Variants in SVEP1 observed in about 807,000 individuals in gnomAD.
SVEP1 encodes the protein sushi, von Willebrand factor type A, EGF and pentraxin domain containing 1.
Under a neutral mutation model 367.3 loss-of-function variants are expected in SVEP1, and 164 were observed. That is an observed-to-expected ratio of 0.45 (90% CI 0.39 to 0.51). SVEP1 has a LOEUF of 0.51. Among genes scored for constraint, SVEP1 ranks in the 20% least tolerant of loss-of-function variants. The pLI is 0.00. For synonymous variants in SVEP1, 1,666 were observed against 1,611.6 expected (o/e 1.03, Z -0.81); for missense variants, 4,117 against 4,425.3 (o/e 0.93, Z 1.98).
chr9:110,540,344 T>C lies in SVEP1; in HGVS notation c.964+5771A>G, dbSNP rs542042022. 3.9e-5 allele frequency among the ~76,000 whole-genome samples: 6 copies of C among 152,168 alleles called. No homozygotes were observed. The South Asian group carries it at 6.2e-4, about 16-fold the overall frequency. On this transcript the variant is annotated intron_variant, in intron 3 of 47. Transcript: ENST00000374469. ...TAAACCCAGAATAATATTTTCTCCA[T>C]CCTCTAAATCTAATTATGTGGTGTT...
At chr9:110,566,331 TAAATA>T (rs1564178203) in intron 1 of SVEP1, among the ~76,000 whole-genome samples, 29 of 92,194 alleles carry the variant, frequency 3.1e-4, no homozygotes, top group African/African-American at 8.7e-4. Context: ...CCATAATAAA[TAAATA>T]AATAAATAAA....
At chr9:110,501,155 T>C (rs1299527125) in intron 6 of SVEP1, among the ~76,000 whole-genome samples, 2 of 148,074 alleles carry the variant, frequency 1.4e-5, no homozygotes, top group African/African-American at 2.4e-5. Context: ...AGTAATATAA[T>C]ATATACAAAT....
chr9:110,390,214 CTTGTATAT>C (rs1827620318), intron 40 of SVEP1, among the ~76,000 whole-genome samples: 2 of 55,154 alleles, frequency 3.6e-5, no homozygotes, highest in African/African-American at 1.8e-4. Context: ...TATGTATATA[CTTGTATAT>C]ATACTTATAT....
At chr9:110,433,539 A>G (rs1032612304) in intron 30 of SVEP1, among the ~76,000 whole-genome samples, 16 of 147,078 alleles carry the variant, frequency 1.1e-4, no homozygotes, top group Admixed American at 4.2e-4. Context: ...TGCAATCTCA[A>G]TTCACTGCAA....
In SVEP1 at chr9:110,407,779, T is replaced by C. The variant is rs1420255906; in HGVS notation, c.7821A>G (p.Thr2607=). Residue 2607 remains threonine (T), a synonymous_variant, in exon 38 of 48, where the codon ACA becomes ACG. Coordinates refer to ENST00000374469, the MANE Select transcript of SVEP1 (RefSeq NM_153366.4). ...GGAGGCCACAGTCTATTGGCATACA[T>C]GTTGGGATGGAACTTGACCATCCTG... is the stretch of plus-strand genomic sequence containing the variant. The part of the protein sequence containing the change: ...EESGWSSSIP[T]CMPIDCGLPP... The C allele has an allele frequency of 2.5e-6, 4 of 1,613,982 alleles. No individual in the cohort carries two copies. Among genetic ancestry groups the C allele is most frequent in the South Asian group, 2.2e-5 (2 of 91,080 alleles).
At chr9:110,488,030 G>A (rs1353702812) in intron 9 of SVEP1, among the ~76,000 whole-genome samples, 1 of 152,154 alleles carries the variant, frequency 6.6e-6, no homozygotes, top group Non-Finnish European at 1.5e-5. Context: ...GATTTCAAAG[G>A]ACTGATCCGC....
At chr9:110,369,576 AT>A (rs68117531) in intron 47 of SVEP1, 2 of 167,670 alleles carry the variant, frequency 1.2e-5, no homozygotes, top group African/African-American at 2.4e-5. Context: ...TATATAACCG[AT>A]TTTTTTTAAT....
intron 2 of SVEP1, 125 bp from the exon 3 acceptor site, chr9:110,546,416 G>C: frequency 9.2e-7 from 1 of 1,089,730 alleles, no homozygotes. Context: ...ATTCCCAACT[G>C]CTTCCTGCTC....
At chr9:110,437,631 T>C (rs1236014218) in intron 27 of SVEP1, among the ~76,000 whole-genome samples, 1 of 152,030 alleles carries the variant, frequency 6.6e-6, no homozygotes, top group Non-Finnish European at 1.5e-5. Context: ...TTTCTTCCTT[T>C]AACTACTCTT....
chr9:110,403,301 T>TTTTTTTTG (rs1554712281), intron 39 of SVEP1, among the ~76,000 whole-genome samples: 1 of 124,058 alleles, frequency 8.1e-6, no homozygotes, highest in Non-Finnish European at 1.6e-5. Context: ...CCGCCGTTTT[T>TTTTTTTTG]TTTTTTTTTT....
Position 110,429,949 on chromosome 9 carries a change from T to C in SVEP1, c.5586A>G (p.Ala1862=). The change falls in exon 34 of 48, where the codon GCA becomes GCG. Residue 1862 remains alanine, a synonymous_variant. Transcript: ENST00000374469. The part of the protein sequence containing the change: ...IPENGCIEEL[A]FTFGSKVTYR... ...ATGTCACTTTGCTGCCAAAAGTAAA[T>C]GCTAACTCCTCAATGCAACCATTTT... 6.2e-7 allele frequency: 1 copy of C among 1,613,024 alleles called. No homozygotes were observed. The highest frequency in any genetic ancestry group is 8.5e-7 in the Non-Finnish European group (1 of 1,179,768).
intron 40 of SVEP1, among the ~76,000 whole-genome samples, chr9:110,396,571 G>T (rs540492150): frequency 6.7e-6 from 1 of 149,978 alleles, no homozygotes; most frequent in South Asian, 2.1e-4. Flanking sequence ...CTGGCTTTTT[G>T]AAAAGATCAA....
At chr9:110,434,307 C>A in intron 30 of SVEP1, 29 bp downstream of exon 30, 6 of 1,575,830 alleles carry the variant, frequency 3.8e-6, no homozygotes, top group Non-Finnish European at 3.5e-6. Flanking sequence ...TCAAAAGTCA[C>A]TGAAATGGCT....
chr9:110,400,801 C>A, intron 40 of SVEP1, 53 bp downstream of exon 40: 1 of 1,540,442 alleles, frequency 6.5e-7, no homozygotes. Context: ...GAAAGTATCC[C>A]CAAGTATATT....
intron 21 of SVEP1, among the ~76,000 whole-genome samples, chr9:110,456,936 T>C (rs200484725): frequency 1.3e-5 from 2 of 152,206 alleles, no homozygotes; most frequent in Non-Finnish European, 2.9e-5. Context: ...CTGTTCTATG[T>C]TGAGTATCAT....
At position 110,432,026 on chromosome 9, in the gene SVEP1, C is replaced by T. The variant is rs751706837; in HGVS notation, c.5242G>A (p.Glu1748Lys). 29 of 1,599,174 alleles carry T rather than the reference C, an allele frequency of 1.8e-5. No individual in the cohort carries two copies. Among genetic ancestry groups the T allele is most frequent in the Non-Finnish European group, 2.3e-5 (27 of 1,174,558 alleles). ...CTACAATCTGATCCAACTGCACACTCATCGACATCTAAAATGAAGACAGCT... is the reference window on the plus strand; with the variant it reads ...CTACAATCTGATCCAACTGCACACTTATCGACATCTAAAATGAAGACAGCT... ...GVSPSCLDVD[E>K]CAVGSDCSEH... Residue 1748 changes from glutamate (E) to lysine (K), a missense_variant, in exon 32 of 48, where the codon GAG becomes AAG. By Grantham distance (56) the Glu-to-Lys change is moderately conservative (BLOSUM62 1). This residue lies in a region of SVEP1 where 2,174 missense variants were observed against 2,494.3 expected (regional missense o/e 0.87). Coordinates refer to ENST00000374469, the MANE Select transcript of SVEP1 (RefSeq NM_153366.4).
chr9:110,568,927 C>T (rs922391663), intron 1 of SVEP1, among the ~76,000 whole-genome samples: 15 of 152,022 alleles, frequency 9.9e-5, no homozygotes, highest in Non-Finnish European at 1.8e-4. Context: ...TGGCAAAACC[C>T]TGTCACTACA....
At chr9:110,461,183 A>C in intron 18 of SVEP1, among the ~76,000 whole-genome samples, 1 of 152,222 alleles carries the variant, frequency 6.6e-6, no homozygotes, top group East Asian at 1.9e-4. Flanking sequence ...ACATAAAACA[A>C]GCTCGGGTTT....
chr9:110,503,623 T>A (rs1225757626), intron 5 of SVEP1, among the ~76,000 whole-genome samples: 1 of 152,210 alleles, frequency 6.6e-6, no homozygotes, highest in African/African-American at 2.4e-5. Context: ...GTTTTCAGGT[T>A]CATGATCGAC....
Sources: allele counts gnomAD v4.1 joint callset (sites outside exome capture counted in the v4.1 genomes callset), GRCh38; gene constraint gnomAD v4.1.1; regional missense constraint gnomAD v4.1.1; transcripts MANE v1.5; gene names NCBI Gene and HGNC (gene_info 2026-07-23, HGNC 2026-07-21).